Variants in ELOVL4 observed in about 807,000 individuals in gnomAD.
ELOVL4 encodes the protein ELOVL fatty acid elongase 4, also known as very long chain fatty acid elongase 4.
ELOVL4 carries 18 observed loss-of-function variants against 42.1 expected under a neutral mutation model. The ratio of observed to expected loss-of-function variants is 0.43; its 90% CI spans 0.30 to 0.63. The LOEUF (loss-of-function observed/expected upper bound fraction) is 0.63. Ranked by LOEUF, ELOVL4 falls within the 30% of genes least tolerant of loss-of-function variation. The pLI is 0.15. For synonymous variants in ELOVL4, 117 were observed against 127.0 expected (o/e 0.92, Z 0.53); for missense variants, 299 against 376.2 (o/e 0.79, Z 1.70).
intron 4 of ELOVL4, 131 bp downstream of exon 4, chr6:79,921,489 AGAAAT>A: frequency 1.1e-5 from 5 of 448,676 alleles, no homozygotes; most frequent in Admixed American, 4.3e-5. Context: ...AAAAAAAAAA[AGAAAT>A]GAACATGGAA....
intron 1 of ELOVL4, among the ~76,000 whole-genome samples, chr6:79,942,969 C>G (rs1425841165): frequency 1.3e-5 from 2 of 151,254 alleles, no homozygotes; most frequent in Non-Finnish European, 2.9e-5. Context: ...AAAACAGTGA[C>G]CAAGGGAGAT....
At chr6:79,939,898 A>G (rs1287154187) in intron 1 of ELOVL4, among the ~76,000 whole-genome samples, 1 of 152,220 alleles carries the variant, frequency 6.6e-6, no homozygotes, top group East Asian at 1.9e-4. Flanking sequence ...ACTTAGTAAC[A>G]AGGTTCATCT....
At chr6:79,938,373 G>GT in intron 1 of ELOVL4, among the ~76,000 whole-genome samples, 1 of 152,288 alleles carries the variant, frequency 6.6e-6, no homozygotes, top group Middle Eastern at 3.4e-3. Context: ...GTGTGTGAGT[G>GT]TGTGAGTTAA....
At chr6:79,941,067 G>GA (rs767881703) in intron 1 of ELOVL4, among the ~76,000 whole-genome samples, 6 of 152,052 alleles carry the variant, frequency 3.9e-5, no homozygotes, top group Non-Finnish European at 7.4e-5. Context: ...AGTTTTGCTG[G>GA]AAAAAAATTT....
intron 1 of ELOVL4, among the ~76,000 whole-genome samples, chr6:79,927,333 G>A (rs1414854099): frequency 6.6e-6 from 1 of 151,924 alleles, no homozygotes; most frequent in Non-Finnish European, 1.5e-5. Context: ...TTTATTCTTG[G>A]CAATGCAAAA....
At chr6:79,946,782 A>C (rs892783746) in intron 1 of ELOVL4, among the ~76,000 whole-genome samples, 2 of 152,138 alleles carry the variant, frequency 1.3e-5, no homozygotes, top group Non-Finnish European at 2.9e-5. Flanking sequence ...CCCGCTCTCC[A>C]TACAAAATAG....
chr6:79,930,332 G>A (rs924922896), intron 1 of ELOVL4, among the ~76,000 whole-genome samples: 1 of 152,150 alleles, frequency 6.6e-6, no homozygotes, highest in African/African-American at 2.4e-5. Flanking sequence ...AGCAGGGTCA[G>A]AGAGCTTTCA....
chr6:79,920,813 C>T (rs930974962), intron 4 of ELOVL4, among the ~76,000 whole-genome samples: 13 of 152,098 alleles, frequency 8.5e-5, no homozygotes, highest in Admixed American at 5.2e-4. Flanking sequence ...GTGTTCTGCA[C>T]TTGTGTTTTG....
At chr6:79,938,853 G>A (rs986980657) in intron 1 of ELOVL4, among the ~76,000 whole-genome samples, 1 of 152,186 alleles carries the variant, frequency 6.6e-6, no homozygotes, top group Non-Finnish European at 1.5e-5. Flanking sequence ...ACAGATTACA[G>A]GCCTGATTAT....
At chr6:79,925,202 A>T (rs1296471435) in intron 2 of ELOVL4, among the ~76,000 whole-genome samples, 170 bp from the exon 3 acceptor site, 1 of 152,214 alleles carries the variant, frequency 6.6e-6, no homozygotes, top group Non-Finnish European at 1.5e-5. Flanking sequence ...GTTACTGTGC[A>T]TTAATTTGTT....
intron 1 of ELOVL4, among the ~76,000 whole-genome samples, chr6:79,928,741 T>TG (rs1774392407): frequency 2.1e-5 from 3 of 142,508 alleles, no homozygotes; most frequent in Admixed American, 6.9e-5. Context: ...TTTTTTTTTT[T>TG]TTTTTTTTTT....
chr6:79,928,727 GTTT>G lies in ELOVL4; in HGVS notation c.101-2349_101-2347del, dbSNP rs34673896. Among the ~76,000 whole-genome samples, 44 of 75,604 alleles carry G rather than the reference GTTT, an allele frequency of 5.8e-4. No individual in the cohort carries two copies. The South Asian group carries it at 6.6e-3, about 11-fold the overall frequency. The allele number at this position is 75,604 out of a possible 152,430, so 49.6% of individuals were successfully genotyped here. ...TACCAGTAAGTAGACTGGTGACTGG[GTTT>G]TTTTTTTTTTTTTTTTTTTTTTTTT... On this transcript the variant is annotated intron_variant, in intron 1 of 5. Coordinates refer to ENST00000369816, the MANE Select transcript of ELOVL4 (RefSeq NM_022726.4).
In ELOVL4 at chr6:79,928,735, T is replaced by TTTG. The variant is rs1449469746; in HGVS notation, c.101-2355_101-2354insCAA. 4.2e-3 allele frequency among the ~76,000 whole-genome samples: 588 copies of TTTG among 138,392 alleles called. 8 individuals are homozygous for TTTG. Among genetic ancestry groups the TTTG allele is most frequent in the African/African-American group, 0.016 (551 of 35,116 alleles). 90.8% of individuals were successfully genotyped at this position (138,392 alleles called of 152,430 possible). On this transcript the variant is annotated intron_variant, in intron 1 of 5. Coordinates refer to ENST00000369816, the MANE Select transcript of ELOVL4 (RefSeq NM_022726.4). ...AGTAGACTGGTGACTGGGTTTTTTT[T>TTTG]TTTTTTTTTTTTTTTTTTTTAAGAA...
chr6:79,932,927 A>T (rs1012308764), intron 1 of ELOVL4, among the ~76,000 whole-genome samples: 8 of 152,202 alleles, frequency 5.3e-5, no homozygotes, highest in Admixed American at 4.6e-4. Flanking sequence ...ACAAGCAGAC[A>T]GGGAGAAAAG....
rs17853840 is a variant in ELOVL4 at position 79,916,854 on chromosome 6, C to T, written c.699G>A (p.Thr233=). The change falls in exon 6 of 6, where the codon ACG becomes ACA. Residue 233 remains threonine (T), a synonymous_variant. Transcript: ENST00000369816. Reference sequence around the variant, plus strand: ...GGCAGTCAGTGTAAAGAGACAGTGCCGTGTGCCCAATGGTCACATGGAATT... The same window carrying T: ...GGCAGTCAGTGTAAAGAGACAGTGCTGTGTGCCCAATGGTCACATGGAATT... ...LIQFHVTIGH[T]ALSLYTDCPF... 5.2e-4 allele frequency: 833 copies of T among 1,614,064 alleles called. No individual in the cohort carries two copies. The highest frequency in any genetic ancestry group is 3.5e-3 in the East Asian group (157 of 44,866).
At chr6:79,919,611 A>T (rs1774218412) in intron 4 of ELOVL4, 64 bp from the exon 5 acceptor site, 7 of 1,414,256 alleles carry the variant, frequency 4.9e-6, no homozygotes, top group Non-Finnish European at 6.9e-6. Flanking sequence ...AGCCACTGAG[A>T]TGTACAATAA....
At chr6:79,917,248 G>A (rs1018973971) in intron 5 of ELOVL4, among the ~76,000 whole-genome samples, 14 of 152,134 alleles carry the variant, frequency 9.2e-5, no homozygotes, top group African/African-American at 1.7e-4. Flanking sequence ...CTTGCCCATC[G>A]GTGATTCTTG....
At chr6:79,930,047 G>T (rs1419441998) in intron 1 of ELOVL4, among the ~76,000 whole-genome samples, 1 of 152,118 alleles carries the variant, frequency 6.6e-6, no homozygotes, top group Non-Finnish European at 1.5e-5. Flanking sequence ...ACCCTTCCTA[G>T]AGCTTTTCCC....
At chr6:79,920,018 CCAGT>C (rs1327958457) in intron 4 of ELOVL4, among the ~76,000 whole-genome samples, 38 of 152,166 alleles carry the variant, frequency 2.5e-4, no homozygotes, top group African/African-American at 8.4e-4. Context: ...CAGAGATATT[CCAGT>C]CAGTCAAACT....
Sources: gnomAD v4.1 joint callset for allele counts (sites outside exome capture counted in the v4.1 genomes callset) on GRCh38, gnomAD v4.1.1 for gene constraint, MANE v1.5 for transcripts, NCBI Gene and HGNC (gene_info 2026-07-23, HGNC 2026-07-21) for gene names.